The following GPC5 variants were observed in gnomAD, a reference collection of about 807,000 sequenced individuals.
GPC5 encodes the protein glypican 5, also known as glypican-5.
GPC5 carries 47 observed loss-of-function variants against 53.9 expected under a neutral mutation model. The observed-to-expected ratio is 0.87, with a 90% CI of 0.69 to 1.11. The LOEUF is 1.11. GPC5 is among the 50% of genes most tolerant of loss of function. GPC5 has a pLI of 0.00. For missense variants in GPC5, 748 were observed against 713.1 expected, an observed-to-expected ratio of 1.05 and a Z score of -0.56; for synonymous variants, 286 against 263.3, an observed-to-expected ratio of 1.09 and a Z score of -0.84.
At chr13:92,026,193 TGG>T (rs2040799416) in intron 6 of GPC5, among the ~76,000 whole-genome samples, 1 of 152,098 alleles carries the variant, frequency 6.6e-6, no homozygotes, top group African/African-American at 2.4e-5. Context: ...CATATTATTG[TGG>T]GAACAAAAAT....
At chr13:92,733,032 A>T (rs2139301260) in intron 7 of GPC5, among the ~76,000 whole-genome samples, 1 of 151,846 alleles carries the variant, frequency 6.6e-6, no homozygotes, top group Middle Eastern at 3.4e-3. Flanking sequence ...TTTCTTGAAC[A>T]AAATGTTCTT....
chr13:91,889,460 AT>A lies in GPC5; in HGVS notation c.1281-18467del, dbSNP rs35681981. Among the ~76,000 whole-genome samples the A allele has an allele frequency of 6.3e-3, 939 of 149,824 alleles. 6 individuals are homozygous for A. The highest frequency in any genetic ancestry group is 0.021 in the South Asian group (98 of 4,714). Reference sequence around the variant, plus strand: ...TTACATTGTTTGCTTTGTTTTACTGATTTTTTTTTTCTTTTTTAATTGGAAC... The same window carrying A: ...TTACATTGTTTGCTTTGTTTTACTGATTTTTTTTTCTTTTTTAATTGGAAC... On this transcript the variant is annotated intron_variant, in intron 5 of 7. Transcript: ENST00000377067.
intron 7 of GPC5, among the ~76,000 whole-genome samples, chr13:92,294,796 G>C (rs1340445367): frequency 8.0e-6 from 1 of 125,670 alleles, no homozygotes; most frequent in Non-Finnish European, 1.7e-5. Context: ...TAGATTATCT[G>C]TTTGTGCTGT....
At chr13:92,667,310 G>A (rs115187811) in intron 7 of GPC5, among the ~76,000 whole-genome samples, 92 of 152,182 alleles carry the variant, frequency 6.0e-4, no homozygotes, top group African/African-American at 2.2e-3. Flanking sequence ...GAGACGAATT[G>A]GAGGACTGAT....
Position 91,705,693 on chromosome 13 carries a change from A to ACC in GPC5, c.1020+11822_1020+11823dup, listed in dbSNP as rs34721619. Among the ~76,000 whole-genome samples, 563 of 113,594 alleles carry ACC rather than the reference A, an allele frequency of 5.0e-3. 4 individuals carry two copies. Among genetic ancestry groups the ACC allele is most frequent in the South Asian group, 0.02 (63 of 3,102 alleles). The allele number at this position is 113,594 out of a possible 152,430, so 74.5% of individuals were successfully genotyped here. A position where few individuals can be genotyped will look rare whatever the true frequency, so the allele number is the denominator to read the frequency against. ...TTGGGTGGAGAAGGACTCTAAAAAC[A>ACC]CCCCCCCCCCCATATTTCCAAATGA... On this transcript the variant is annotated intron_variant, in intron 3 of 7. Coordinates refer to ENST00000377067, the MANE Select transcript of GPC5 (RefSeq NM_004466.6).
chr13:92,674,538 T>C (rs1485585004), intron 7 of GPC5, among the ~76,000 whole-genome samples: 1 of 151,192 alleles, frequency 6.6e-6, no homozygotes, highest in East Asian at 2.0e-4. Flanking sequence ...AATTCTTGCT[T>C]CATGAAGCAG....
chr13:91,449,117 T>C (rs1447547678), intron 2 of GPC5, among the ~76,000 whole-genome samples, 195 bp downstream of exon 2: 1 of 152,058 alleles, frequency 6.6e-6, no homozygotes, highest in Non-Finnish European at 1.5e-5. Context: ...CTGAGTTGGA[T>C]TGGGGAAACT....
intron 7 of GPC5, among the ~76,000 whole-genome samples, chr13:92,674,451 G>T (rs1886861239): frequency 6.6e-6 from 1 of 151,966 alleles, no homozygotes; most frequent in South Asian, 2.1e-4. Flanking sequence ...AAAATCATAG[G>T]AATAGCATCG....
At chr13:91,555,012 T>C (rs2030863745) in intron 2 of GPC5, among the ~76,000 whole-genome samples, 1 of 152,108 alleles carries the variant, frequency 6.6e-6, no homozygotes, top group Non-Finnish European at 1.5e-5. Flanking sequence ...TGAAGAACAG[T>C]ATCTTCCTTT....
At chr13:91,907,791 A>C (rs2039570164) in intron 5 of GPC5, 146 bp from the exon 6 acceptor site, 2 of 684,036 alleles carry the variant, frequency 2.9e-6, no homozygotes, top group Non-Finnish European at 4.7e-6. Flanking sequence ...AAAACATTAC[A>C]GCTGTGCCAG....
At chr13:92,293,805 C>T (rs1331776254) in intron 7 of GPC5, among the ~76,000 whole-genome samples, 1 of 152,058 alleles carries the variant, frequency 6.6e-6, no homozygotes, top group Non-Finnish European at 1.5e-5. Context: ...TTTTCCCATT[C>T]AATATTATGT....
intron 7 of GPC5, among the ~76,000 whole-genome samples, chr13:92,164,720 T>G (rs1201596463): frequency 3.3e-5 from 5 of 152,170 alleles, no homozygotes; most frequent in African/African-American, 9.6e-5. Flanking sequence ...CAGTGGGGAT[T>G]TTTTGTGTGG....
chr13:91,537,304 G>GA (rs556822948), intron 2 of GPC5, among the ~76,000 whole-genome samples: 12 of 151,226 alleles, frequency 7.9e-5, no homozygotes, highest in African/African-American at 1.5e-4. Context: ...GACTGAACAA[G>GA]AAAAAAAAGA....
At chr13:92,667,426 G>A (rs563342988) in intron 7 of GPC5, among the ~76,000 whole-genome samples, 1 of 152,254 alleles carries the variant, frequency 6.6e-6, no homozygotes, top group South Asian at 2.1e-4. Context: ...AAAAGACACA[G>A]CAAAATACGG....
At chr13:91,815,666 C>G (rs2038388377) in intron 5 of GPC5, among the ~76,000 whole-genome samples, 2 of 152,174 alleles carry the variant, frequency 1.3e-5, no homozygotes, top group Admixed American at 6.5e-5. Context: ...GCTCTGCCTC[C>G]CGCTGTGCCT....
At chr13:92,146,565 A>C (rs111433353) in intron 7 of GPC5, among the ~76,000 whole-genome samples, 3,190 of 152,116 alleles carry the variant, frequency 0.021, 119 homozygotes, top group African/African-American at 0.072. Flanking sequence ...TGGTTACATG[A>C]GTAAGTTCTT....
intron 1 of GPC5, among the ~76,000 whole-genome samples, chr13:91,433,251 C>G (rs947045483): frequency 2.0e-5 from 3 of 150,584 alleles, no homozygotes; most frequent in African/African-American, 4.9e-5. Flanking sequence ...GCACAACATG[C>G]AGGTTTGTTA....
chr13:92,384,181 G>GA (rs749340719), intron 7 of GPC5, among the ~76,000 whole-genome samples: 17 of 150,440 alleles, frequency 1.1e-4, no homozygotes, highest in Non-Finnish European at 2.2e-4. Flanking sequence ...TAGGTAACTA[G>GA]AACTAATTGG....
At chr13:91,829,736 G>T (rs1311768401) in intron 5 of GPC5, among the ~76,000 whole-genome samples, 1 of 152,024 alleles carries the variant, frequency 6.6e-6, no homozygotes, top group Admixed American at 6.6e-5. Context: ...TTTTAAAGCT[G>T]GGCATCCGGG....
Sources: allele counts gnomAD v4.1 joint callset (sites outside exome capture counted in the v4.1 genomes callset), GRCh38; gene constraint gnomAD v4.1.1; transcripts MANE v1.5; gene names NCBI Gene and HGNC (gene_info 2026-07-23, HGNC 2026-07-21).